The following CARD14 variants were observed in gnomAD, a reference collection of about 807,000 sequenced individuals.
The protein encoded by CARD14 is caspase recruitment domain family member 14, also known as caspase recruitment domain-containing protein 14.
Under a neutral mutation model 111.5 loss-of-function variants are expected in CARD14, and 107 were observed. The observed-to-expected ratio is 0.96, with a 90% CI of 0.82 to 1.13. The LOEUF (loss-of-function observed/expected upper bound fraction) is 1.13. Ranked by LOEUF, CARD14 falls within the 50% of genes most tolerant of loss-of-function variation. The pLI, the probability that CARD14 is intolerant of heterozygous loss-of-function variation, is 0.00. For missense variants in CARD14, 1,322 were observed against 1,362.3 expected (o/e 0.97, Z 0.47); for synonymous variants, 617 against 579.6 (o/e 1.06, Z -0.93).
At chr17:80,193,737 G>A (rs932994443) in intron 12 of CARD14, among the ~76,000 whole-genome samples, 23 of 152,204 alleles carry the variant, frequency 1.5e-4, no homozygotes, top group African/African-American at 3.9e-4. Flanking sequence ...GGGGGAGGCC[G>A]GGATCTTCCC....
At chr17:80,204,976 G>A (rs1469847964) in intron 20 of CARD14, 59 bp from the exon 21 acceptor site, 4 of 1,433,894 alleles carry the variant, frequency 2.8e-6, no homozygotes, top group Non-Finnish European at 3.7e-6. Flanking sequence ...CCCGGGGCAG[G>A]GTAGGCTGGC....
rs1226540849 is a variant in CARD14 at position 80,195,054 on chromosome 17, T to A, written c.1357-137T>A. On this transcript the variant is annotated intron_variant, in intron 12 of 23. Coordinates refer to ENST00000648509, the MANE Select transcript of CARD14 (RefSeq NM_001366385.1). The surrounding 1 kb of genome is among the most constrained non-coding windows in gnomAD (Gnocchi z 4.7). ...CAGGTGCTCAGCGCATGTGACCCCA[T>A]GTGTGTCCTTCTTTCCCCTCCTGCC... is the stretch of plus-strand genomic sequence containing the variant. 9.0e-7 allele frequency: 1 copy of A among 1,109,370 alleles called. No individual in the cohort carries two copies. Among genetic ancestry groups the A allele is most frequent in the East Asian group, 2.5e-5 (1 of 40,350 alleles). The allele number at this position is 1,109,370 out of a possible 1,614,324, so 68.7% of individuals were successfully genotyped here. A position where few individuals can be genotyped will look rare whatever the true frequency, so the allele number is the denominator to read the frequency against.
chr17:80,191,512 G>A (rs762265566), intron 11 of CARD14, 40 bp downstream of exon 11: 2 of 1,597,354 alleles, frequency 1.3e-6, no homozygotes, highest in South Asian at 2.2e-5. Flanking sequence ...GGCCAGGCAG[G>A]GGCTGCGGTG....
Position 80,172,966 on chromosome 17 carries a change from C to G in CARD14, c.-629C>G, listed in dbSNP as rs1269591564. The G allele has an allele frequency of 2.7e-5, 4 of 147,006 alleles. No individual in the cohort carries two copies. Among genetic ancestry groups the G allele is most frequent in the African/African-American group, 1.0e-4 (4 of 39,810 alleles). The allele number at this position is 147,006 out of a possible 1,614,324, so 9.1% of individuals were successfully genotyped here. A position where few individuals can be genotyped will look rare whatever the true frequency, so the allele number is the denominator to read the frequency against. On this transcript the variant is annotated 5_prime_UTR_variant, in exon 2 of 24. Transcript: ENST00000648509. ...CACCATCTCAGCTCTCTGCAACCTC[C>G]ACTTCCCAGGTTCAAGCGATTCTCC... is the stretch of plus-strand genomic sequence containing the variant.
chr17:80,207,289 G>A (rs1009656252), intron 23 of CARD14, among the ~76,000 whole-genome samples: 2 of 152,212 alleles, frequency 1.3e-5, no homozygotes, highest in Admixed American at 6.5e-5. Flanking sequence ...GGTGGCTCAC[G>A]CCTGTAATCC....
Position 80,188,053 on chromosome 17 carries a change from T to G in CARD14, c.676-324T>G. On this transcript the variant is annotated intron_variant, in intron 7 of 23. Coordinates refer to ENST00000648509, the MANE Select transcript of CARD14 (RefSeq NM_001366385.1). This position sits in a 1 kb window ranked among gnomAD's most constrained non-coding sequence, Gnocchi z 4.5. ...GGGAAGCCAGGGAGCATGCTGGCCA[T>G]CACTGCCGGCTGCTCAGCTGTAGAG... 2.5e-6 allele frequency: 2 copies of G among 799,266 alleles called. No individual in the cohort carries two copies. Among genetic ancestry groups the G allele is most frequent in the Non-Finnish European group, 3.1e-6 (2 of 650,064 alleles). 49.5% of individuals were successfully genotyped at this position (799,266 alleles called of 1,614,324 possible).
chr17:80,180,739 G>A (rs1041826097), intron 4 of CARD14, among the ~76,000 whole-genome samples: 2 of 146,610 alleles, frequency 1.4e-5, no homozygotes, highest in African/African-American at 2.6e-5. Flanking sequence ...CACCCCTACT[G>A]TTATTTGTTT....
At chr17:80,176,834 C>T (rs919035022) in intron 2 of CARD14, among the ~76,000 whole-genome samples, 23 of 152,188 alleles carry the variant, frequency 1.5e-4, no homozygotes, top group Admixed American at 1.2e-3. Flanking sequence ...ACTCTAGCGA[C>T]GCAGGCTTCT....
At chr17:80,190,668 C>A in intron 9 of CARD14, 106 bp from the exon 10 acceptor site, 1 of 1,310,604 alleles carries the variant, frequency 7.6e-7, no homozygotes, top group Non-Finnish European at 1.1e-6. Flanking sequence ...TTATTTCATC[C>A]CTAGAACTGT....
At chr17:80,205,737 G>A in intron 22 of CARD14, 85 bp downstream of exon 22, 1 of 1,378,990 alleles carries the variant, frequency 7.3e-7, no homozygotes. Context: ...TAAAGGTACA[G>A]GGACCGACCT....
rs2040972874 is a variant in CARD14, at chr17:80,201,491, G to A, written c.1852-253G>A. 5 of 515,284 alleles carry A rather than the reference G, an allele frequency of 9.7e-6. No homozygotes were observed. The South Asian group carries it at 1.1e-4, about 12-fold the overall frequency. The allele number at this position is 515,284 out of a possible 1,614,324, so 31.9% of individuals were successfully genotyped here. ...AAGACAGGAAAGTGCTTATCACAAAGAACCCCCGATCTCGACTGGGGAAGG... is the reference window on the plus strand; with the variant it reads ...AAGACAGGAAAGTGCTTATCACAAAAAACCCCCGATCTCGACTGGGGAAGG... On this transcript the variant is annotated intron_variant, in intron 16 of 23. Transcript: ENST00000648509. This position sits in a 1 kb window ranked among gnomAD's most constrained non-coding sequence, Gnocchi z 5.0.
At position 80,204,247 on chromosome 17, in the gene CARD14, G is replaced by T; in HGVS notation, c.2304G>T (p.Gln768His). ...VTRKPSSGGPQKLVRIVSMDK... is the reference protein window; with the variant it reads ...VTRKPSSGGPHKLVRIVSMDK... ...TTTAGCCATCTTCTGGGGGACCACA[G>T]AAGCTGGTCCGCATCGTCAGTATGG... Residue 768 changes from glutamine to histidine, a missense_variant, in exon 20 of 24, where the codon CAG becomes CAT. Gln to His is a conservative substitution (Grantham distance 24). Coordinates refer to ENST00000648509, the MANE Select transcript of CARD14 (RefSeq NM_001366385.1). 6.3e-7 allele frequency: 1 copy of T among 1,593,526 alleles called. No individual in the cohort carries two copies. The highest frequency in any genetic ancestry group is 8.6e-7 in the Non-Finnish European group (1 of 1,163,924).
In CARD14 at chr17:80,192,497, T is replaced by G; in HGVS notation, c.1240-6T>G. ...TTAACCAGCCTGTCTGGCCTGTCTT[T>G]GGCAGCTCAAGCAGGAAGCCAGGAC... On this transcript the variant is annotated splice_region_variant and splice_polypyrimidine_tract_variant and intron_variant, in intron 11 of 23. Transcript: ENST00000648509. 1 of 1,611,960 alleles carries G rather than the reference T, an allele frequency of 6.2e-7. No homozygotes were observed. Among genetic ancestry groups the G allele is most frequent in the Non-Finnish European group, 8.5e-7 (1 of 1,178,522 alleles).
At position 80,208,201 on chromosome 17, in the gene CARD14, G is replaced by C. The variant is rs373510767; in HGVS notation, c.2871G>C (p.Glu957Asp). 11 of 1,554,790 alleles carry C rather than the reference G, an allele frequency of 7.1e-6. No individual in the cohort carries two copies. In the African/African-American group the frequency reaches 1.5e-4, roughly 21 times the overall value. The change falls in exon 24 of 24, where the codon GAG becomes GAC. Residue 957 changes from glutamate to aspartate, a missense_variant. By Grantham distance (45) the Glu-to-Asp change is conservative. Coordinates refer to ENST00000648509, the MANE Select transcript of CARD14 (RefSeq NM_001366385.1). Reference sequence around the variant, plus strand: ...TCCTGGAGGCTGCGAGGCAGGAGGAGGGAGACCTGGACCGGGCGCCCTGTC... The same window carrying C: ...TCCTGGAGGCTGCGAGGCAGGAGGACGGAGACCTGGACCGGGCGCCCTGTC... ...EQLLEAARQE[E>D]GDLDRAPCLY...
chr17:80,191,252 G>T, intron 10 of CARD14, 71 bp from the exon 11 acceptor site: 3 of 1,554,618 alleles, frequency 1.9e-6, no homozygotes, highest in Non-Finnish European at 2.6e-6. Context: ...CTAGAAACAG[G>T]GCTCTCCTTC....
In CARD14 at chr17:80,182,567, G is replaced by A; in HGVS notation, c.212-86G>A. On this transcript the variant is annotated intron_variant, in intron 5 of 23. Transcript: ENST00000648509. The surrounding 1 kb of genome is among the most constrained non-coding windows in gnomAD (Gnocchi z 4.7). ...TGTGCGGGGGGTTTCCCAGCCCCAG[G>A]CCTCTCCCCCGTGGGGAAGCCAGCC... is the stretch of plus-strand genomic sequence containing the variant. The A allele has an allele frequency of 6.6e-7, 1 of 1,514,914 alleles. No individual in the cohort carries two copies. Among genetic ancestry groups the A allele is most frequent in the African/African-American group, 1.4e-5 (1 of 72,120 alleles). 93.8% of individuals were successfully genotyped at this position (1,514,914 alleles called of 1,614,324 possible).
Position 80,198,793 on chromosome 17 carries a change from C to A in CARD14, c.1851+202C>A. 1 of 1,487,654 alleles carries A rather than the reference C, an allele frequency of 6.7e-7. No homozygotes were observed. Among genetic ancestry groups the A allele is most frequent in the East Asian group, 2.3e-5 (1 of 43,082 alleles). The allele number at this position is 1,487,654 out of a possible 1,614,324, so 92.2% of individuals were successfully genotyped here. A position where few individuals can be genotyped will look rare whatever the true frequency, so the allele number is the denominator to read the frequency against. ...GCCGTGCAGAACCCAGCATGTCACC[C>A]GTGGTGCTGCTGCCATGCGGCGCTT... On this transcript the variant is annotated intron_variant, in intron 16 of 23. Coordinates refer to ENST00000648509, the MANE Select transcript of CARD14 (RefSeq NM_001366385.1). The surrounding 1 kb of genome is among the most constrained non-coding windows in gnomAD (Gnocchi z 7.5).
intron 10 of CARD14, 75 bp downstream of exon 10, chr17:80,190,974 T>C: frequency 6.4e-7 from 1 of 1,555,788 alleles, no homozygotes; most frequent in Non-Finnish European, 8.7e-7. Flanking sequence ...GGGGACAGTC[T>C]CGTGGCTCCC....
In CARD14 at chr17:80,207,772, T is replaced by C. The variant is rs530971426; in HGVS notation, c.2808-366T>C. 5.8e-5 allele frequency: 14 copies of C among 241,732 alleles called. No individual in the cohort carries two copies. In the South Asian group the frequency reaches 2.2e-3, roughly 39 times the overall value. The allele number at this position is 241,732 out of a possible 1,614,324, so 15.0% of individuals were successfully genotyped here. ...CCCCCAAGAGCAGCTCAGAGGACCA[T>C]TGTAAGGCCAGAACCCCACCCGGCC... On this transcript the variant is annotated intron_variant, in intron 23 of 23. Transcript: ENST00000648509.
Sources: gnomAD v4.1 joint callset for allele counts (sites outside exome capture counted in the v4.1 genomes callset) on GRCh38, gnomAD v4.1.1 for gene constraint, Gnocchi (gnomAD v3.1) non-coding constraint, MANE v1.5 for transcripts, NCBI Gene and HGNC (gene_info 2026-07-23, HGNC 2026-07-21) for gene names.